CDH18: variants seen among roughly 807,000 people sequenced by gnomAD.
The protein encoded by CDH18 is cadherin-18.
Under a neutral mutation model 67.9 loss-of-function variants are expected in CDH18, and 31 were observed. The observed-to-expected ratio is 0.46, with a 90% confidence interval of 0.34 to 0.62. The LOEUF is 0.62. Among genes scored for constraint, CDH18 ranks in the 20% least tolerant of loss-of-function variants. The pLI, the probability that CDH18 is intolerant of heterozygous loss-of-function variation, is 0.01. For synonymous variants in CDH18, 362 were observed against 347.2 expected (o/e 1.04, Z -0.48); for missense variants, 890 against 975.5 (o/e 0.91, Z 1.17).
At chr5:20,267,020 C>A (rs1329490131) in intron 1 of CDH18, among the ~76,000 whole-genome samples, 1 of 152,044 alleles carries the variant, frequency 6.6e-6, no homozygotes, top group African/African-American at 2.4e-5. Flanking sequence ...ATGTGCAATT[C>A]AATGTTTGAA....
chr5:19,994,653 C>A, intron 2 of CDH18, among the ~76,000 whole-genome samples: 1 of 131,222 alleles, frequency 7.6e-6, no homozygotes, highest in African/African-American at 2.8e-5. Flanking sequence ...CTAGCAATAA[C>A]ATTTTTTGCT....
At chr5:20,562,078 A>C (rs974923101) in intron 1 of CDH18, among the ~76,000 whole-genome samples, 2 of 151,942 alleles carry the variant, frequency 1.3e-5, no homozygotes, top group African/African-American at 4.8e-5. Context: ...AAGTTTAATT[A>C]TAAAATTCAT....
At chr5:20,019,362 T>C (rs1448377392) in intron 2 of CDH18, among the ~76,000 whole-genome samples, 20 of 152,176 alleles carry the variant, frequency 1.3e-4, no homozygotes, top group Admixed American at 1.3e-3. Flanking sequence ...CACAGAGTCA[T>C]TATAAAATAG....
chr5:20,557,540 A>C (rs1181304435), intron 1 of CDH18, among the ~76,000 whole-genome samples: 4 of 152,126 alleles, frequency 2.6e-5, no homozygotes, highest in African/African-American at 9.7e-5. Context: ...TTGCACTTCA[A>C]AATAGGGAAT....
intron 5 of CDH18, among the ~76,000 whole-genome samples, chr5:19,706,951 A>G (rs1394953816): frequency 6.6e-6 from 1 of 152,236 alleles, no homozygotes; most frequent in Non-Finnish European, 1.5e-5. Flanking sequence ...GCTAAAAAGC[A>G]TCTACAGAAA....
intron 2 of CDH18, among the ~76,000 whole-genome samples, chr5:19,845,679 T>G (rs1782853792): frequency 6.6e-6 from 1 of 151,998 alleles, no homozygotes; most frequent in African/African-American, 2.4e-5. Flanking sequence ...TATATCTAGG[T>G]GCTCTGATGT....
chr5:19,515,881 C>A (rs1227739125), intron 10 of CDH18, among the ~76,000 whole-genome samples: 3 of 152,264 alleles, frequency 2.0e-5, no homozygotes, highest in Non-Finnish European at 4.4e-5. Flanking sequence ...ACTTCCAACA[C>A]TATGTTGAAT....
intron 1 of CDH18, among the ~76,000 whole-genome samples, chr5:20,269,804 G>A (rs1240174334): frequency 6.6e-6 from 1 of 152,020 alleles, no homozygotes; most frequent in Non-Finnish European, 1.5e-5. Flanking sequence ...TACTCTAGAA[G>A]CCCTGATTTG....
intron 2 of CDH18, among the ~76,000 whole-genome samples, chr5:20,104,530 T>C (rs1746760616): frequency 6.6e-6 from 1 of 152,174 alleles, no homozygotes; most frequent in Non-Finnish European, 1.5e-5. Flanking sequence ...CCTCTCTCAG[T>C]GTAGAAGACA....
At chr5:20,378,214 T>C (rs1199901787) in intron 1 of CDH18, among the ~76,000 whole-genome samples, 1 of 152,128 alleles carries the variant, frequency 6.6e-6, no homozygotes, top group Non-Finnish European at 1.5e-5. Flanking sequence ...CCCGCTGTCG[T>C]CCAAGCTGGA....
intron 2 of CDH18, among the ~76,000 whole-genome samples, chr5:20,088,618 T>G (rs1203308091): frequency 6.6e-6 from 1 of 152,026 alleles, no homozygotes; most frequent in Non-Finnish European, 1.5e-5. Flanking sequence ...GAGGAAAAAA[T>G]CAGGGCCAGA....
At chr5:19,539,543 T>A (rs1158505690) in intron 9 of CDH18, among the ~76,000 whole-genome samples, 5 of 152,194 alleles carry the variant, frequency 3.3e-5, no homozygotes, top group African/African-American at 1.2e-4. Flanking sequence ...GAAATGCTTC[T>A]GGAGTTGATT....
At chr5:20,378,593 G>T (rs1465185574) in intron 1 of CDH18, among the ~76,000 whole-genome samples, 1 of 152,026 alleles carries the variant, frequency 6.6e-6, no homozygotes, top group Non-Finnish European at 1.5e-5. Flanking sequence ...TAACTAATTT[G>T]TAGGAAACAA....
intron 3 of CDH18, among the ~76,000 whole-genome samples, chr5:19,827,376 G>C (rs1403178902): frequency 6.8e-6 from 1 of 148,104 alleles, no homozygotes; most frequent in Non-Finnish European, 1.5e-5. Context: ...CTTGACATTT[G>C]ACCAAATGAG....
chr5:20,215,816 T>C (rs1363946958), intron 2 of CDH18, among the ~76,000 whole-genome samples: 3 of 151,922 alleles, frequency 2.0e-5, no homozygotes, highest in Non-Finnish European at 4.4e-5. Context: ...TGAGATCATG[T>C]TTTGGCAGGA....
intron 1 of CDH18, among the ~76,000 whole-genome samples, chr5:20,439,429 A>G (rs2150188019): frequency 6.7e-6 from 1 of 149,902 alleles, no homozygotes; most frequent in South Asian, 2.1e-4. Context: ...CAGAAACCAC[A>G]GGACTTAGAT....
chr5:20,130,921 G>A (rs573282804), intron 2 of CDH18, among the ~76,000 whole-genome samples: 2 of 151,066 alleles, frequency 1.3e-5, no homozygotes, highest in African/African-American at 4.9e-5. Context: ...GAGATAACTC[G>A]AGGACTCTTT....
chr5:20,008,055 C>T (rs1737068033), intron 2 of CDH18, among the ~76,000 whole-genome samples: 1 of 151,864 alleles, frequency 6.6e-6, no homozygotes, highest in Non-Finnish European at 1.5e-5. Flanking sequence ...CAATATGTAG[C>T]CTATCACATC....
At chr5:19,917,195 T>C (rs1396358608) in intron 2 of CDH18, among the ~76,000 whole-genome samples, 1 of 152,268 alleles carries the variant, frequency 6.6e-6, no homozygotes, top group East Asian at 1.9e-4. Flanking sequence ...TCACAAATTG[T>C]GGATTTTTTA....
Sources: gnomAD v4.1 joint callset for allele counts (sites outside exome capture counted in the v4.1 genomes callset) on GRCh38, gnomAD v4.1.1 for gene constraint, MANE v1.5 for transcripts, NCBI Gene and HGNC (gene_info 2026-07-23, HGNC 2026-07-21) for gene names.